Variants in VWA2 observed in about 807,000 individuals in gnomAD.
VWA2 encodes the protein von Willebrand factor A domain containing 2.
VWA2 carries 73 observed loss-of-function variants against 70.4 expected under a neutral mutation model. The observed-to-expected ratio is 1.04, with a 90% CI of 0.86 to 1.26. The LOEUF (loss-of-function observed/expected upper bound fraction) is 1.26. VWA2 is among the 50% of genes most tolerant of loss of function. The pLI is 0.00. For missense variants in VWA2, 1,011 were observed against 998.5 expected, an observed-to-expected ratio of 1.01 and a Z score of -0.17; for synonymous variants, 407 against 423.3, an observed-to-expected ratio of 0.96 and a Z score of 0.47.
intron 6 of VWA2, among the ~76,000 whole-genome samples, 166 bp from the exon 7 acceptor site, chr10:114,277,748 T>C (rs938893114): frequency 6.6e-6 from 1 of 152,220 alleles, no homozygotes; most frequent in Admixed American, 6.5e-5. Flanking sequence ...CGAACCACTT[T>C]CTTTCATTTC....
Position 114,261,232 on chromosome 10 carries a change from T to C in VWA2, c.308T>C (p.Phe103Ser). 1 of 1,614,166 alleles carries C rather than the reference T, an allele frequency of 6.2e-7. No homozygotes were observed. Residue 103 changes from phenylalanine to serine, a missense_variant, in exon 5 of 14, where the codon TTC (phenylalanine) becomes TCC (serine). Transcript: ENST00000392982. ...TTCAGTTCCACTCCTCATCTGGAAT[T>C]CCCCTTGGATTCATTTTCAACCCAA... ...FQFSSTPHLE[F>S]PLDSFSTQQE... is the part of the protein sequence containing the mutation.
intron 1 of VWA2, among the ~76,000 whole-genome samples, chr10:114,244,634 A>T (rs1355956518): frequency 2.2e-5 from 1 of 44,718 alleles, no homozygotes; most frequent in Non-Finnish European, 4.3e-5. Context: ...TTCACCCTTT[A>T]AAAAAAAAGC....
intron 6 of VWA2, among the ~76,000 whole-genome samples, chr10:114,277,036 AGAG>A (rs942349336): frequency 9.9e-5 from 15 of 152,128 alleles, no homozygotes; most frequent in African/African-American, 2.9e-4. Flanking sequence ...ATGTGCATTC[AGAG>A]GAGAATGGGA....
At chr10:114,286,650 C>G (rs878905488) in intron 11 of VWA2, 139 bp downstream of exon 11, 1 of 704,196 alleles carries the variant, frequency 1.4e-6, no homozygotes, top group Non-Finnish European at 2.3e-6. Flanking sequence ...AGGCACCAGT[C>G]ACATAAATAA....
Position 114,272,784 on chromosome 10 carries a change from A to C in VWA2, c.416A>C (p.His139Pro). The C allele has an allele frequency of 6.2e-7, 1 of 1,613,790 alleles. No homozygotes were observed. Among genetic ancestry groups the C allele is most frequent in the Non-Finnish European group, 8.5e-7 (1 of 1,179,870 alleles). Reference protein sequence around the residue: ...ETELALKYLLHRGLPGGRNAS... With the variant: ...ETELALKYLLPRGLPGGRNAS... ...GAACTTGCTCTGAAATACCTTCTGC[A>C]CAGAGGGTTGCCTGGAGGCAGAAAT... The change falls in exon 6 of 14, where the codon CAC becomes CCC. Residue 139 changes from histidine to proline, a missense_variant. Physicochemically the swap from His to Pro is moderately conservative, Grantham distance 77. Transcript: ENST00000392982.
At position 114,257,246 on chromosome 10, in the gene VWA2, C is replaced by A. The variant is rs183677109; in HGVS notation, c.261+2198C>A. Among the ~76,000 whole-genome samples, 33 of 152,262 alleles carry A rather than the reference C, an allele frequency of 2.2e-4. No individual in the cohort carries two copies. In the East Asian group the frequency reaches 6.2e-3, roughly 28 times the overall value. ...AACCATGATGTTAACCCAGCATAGACCCTAAAAGGGCCAGGCAAGAAGCGC... is the reference window on the plus strand; with the variant it reads ...AACCATGATGTTAACCCAGCATAGAACCTAAAAGGGCCAGGCAAGAAGCGC... On this transcript the variant is annotated intron_variant, in intron 4 of 13. Transcript: ENST00000392982.
chr10:114,248,579 G>A lies in VWA2; in HGVS notation c.-10-125G>A, dbSNP rs551625897. 1.4e-4 allele frequency: 103 copies of A among 755,834 alleles called. No homozygotes were observed. The African/African-American group carries it at 1.6e-3, about 12-fold the overall frequency. 46.8% of individuals were successfully genotyped at this position (755,834 alleles called of 1,614,324 possible). On this transcript the variant is annotated intron_variant, in intron 1 of 13. Transcript: ENST00000392982. ...TGGGGACTTTTCTAGTTATTGTGGT[G>A]AGGGCCTCCAGGGTCATATCTGTGA...
chr10:114,288,802 A>C, intron 11 of VWA2, 136 bp from the exon 12 acceptor site: 1 of 816,442 alleles, frequency 1.2e-6, no homozygotes, highest in Non-Finnish European at 1.9e-6. Flanking sequence ...TAAAAGGAAG[A>C]CATAGAGGGT....
chr10:114,288,162 G>A (rs11196682), intron 11 of VWA2, among the ~76,000 whole-genome samples: 37,970 of 152,054 alleles, frequency 0.25, 5,013 homozygotes, highest in African/African-American at 0.33. Flanking sequence ...GCACAGGAGA[G>A]GCCTTCTGGC....
chr10:114,285,797 C>T (rs1229795984), intron 10 of VWA2, 142 bp from the exon 11 acceptor site: 25 of 880,642 alleles, frequency 2.8e-5, no homozygotes, highest in African/African-American at 1.2e-4. Context: ...AACTCTGTGA[C>T]GAGCACGGGT....
intron 8 of VWA2, among the ~76,000 whole-genome samples, chr10:114,279,639 A>T (rs901013917): frequency 3.3e-5 from 5 of 152,098 alleles, no homozygotes; most frequent in Admixed American, 6.6e-5. Flanking sequence ...GTCTCATGCC[A>T]CTCTGGGGCC....
At chr10:114,256,825 G>A (rs1187689977) in intron 4 of VWA2, among the ~76,000 whole-genome samples, 2 of 149,276 alleles carry the variant, frequency 1.3e-5, no homozygotes, top group African/African-American at 2.5e-5. Context: ...CAGGAAAATC[G>A]CTTGAACCCA....
At chr10:114,282,065 A>C (rs182868598) in intron 8 of VWA2, among the ~76,000 whole-genome samples, 1 of 123,786 alleles carries the variant, frequency 8.1e-6, no homozygotes, top group East Asian at 2.8e-4. Flanking sequence ...GCTGGAGTGC[A>C]GTTGTGCAAT....
intron 5 of VWA2, among the ~76,000 whole-genome samples, chr10:114,271,851 A>G (rs2037717624): frequency 6.6e-6 from 1 of 152,160 alleles, no homozygotes; most frequent in Non-Finnish European, 1.5e-5. Context: ...GTTGATAACC[A>G]CAGTAATTCC....
At chr10:114,251,208 C>T (rs943337621) in intron 2 of VWA2, among the ~76,000 whole-genome samples, 29 of 152,256 alleles carry the variant, frequency 1.9e-4, no homozygotes, top group Non-Finnish European at 1.8e-4. Context: ...GGCAGCTGGT[C>T]TTTAGAGGGG....
chr10:114,286,338 G>T lies in VWA2; in HGVS notation c.1397G>T (p.Arg466Leu), dbSNP rs146262074. 122 of 1,613,274 alleles carry T rather than the reference G, an allele frequency of 7.6e-5. No individual in the cohort carries two copies. In the African/African-American group the frequency reaches 1.4e-3, roughly 19 times the overall value. ...GAGGATGAGGTTGCGGGCCCAGCGC[G>T]TCACGCAAGGGCGCGAGAGCTGCTC... ...HSEDEVAGPARHARARELLLL... is the reference protein window; with the variant it reads ...HSEDEVAGPALHARARELLLL... The change falls in exon 11 of 14, where the codon CGT becomes CTT. Residue 466 changes from arginine to leucine, a missense_variant. Transcript: ENST00000392982.
chr10:114,289,542 C>CT (rs1381951434), intron 12 of VWA2, 53 bp downstream of exon 12: 1 of 1,596,812 alleles, frequency 6.3e-7, no homozygotes, highest in East Asian at 2.2e-5. Context: ...GGCCCTCAGC[C>CT]TGAGCCTTCA....
Position 114,246,021 on chromosome 10 carries a change from A to G in VWA2, c.-10-2683A>G, listed in dbSNP as rs1319641541. 8.4e-6 allele frequency: 5 copies of G among 595,294 alleles called. No homozygotes were observed. In the East Asian group the frequency reaches 1.5e-4, roughly 18 times the overall value. The allele number at this position is 595,294 out of a possible 1,614,324, so 36.9% of individuals were successfully genotyped here. A position where few individuals can be genotyped will look rare whatever the true frequency, so the allele number is the denominator to read the frequency against. On this transcript the variant is annotated intron_variant, in intron 1 of 13. Transcript: ENST00000392982. ...ATATTGGGTGGTCAGTACATGCTCC[A>G]TCCTCCAGGAGGACCACTCTCTGTG...
intron 5 of VWA2, among the ~76,000 whole-genome samples, chr10:114,265,933 T>C (rs570587900): frequency 6.6e-6 from 1 of 152,288 alleles, no homozygotes; most frequent in South Asian, 2.1e-4. Context: ...TGGAGGAACA[T>C]GGGCCAAATG....
Sources: gnomAD v4.1 joint callset for allele counts (sites outside exome capture counted in the v4.1 genomes callset) on GRCh38, gnomAD v4.1.1 for gene constraint, MANE v1.5 for transcripts, NCBI Gene and HGNC (gene_info 2026-07-23, HGNC 2026-07-21) for gene names.